ATOH8: variants seen among roughly 807,000 people sequenced by gnomAD.
The protein encoded by ATOH8 is transcription factor ATOH8.
ATOH8 carries 9 observed loss-of-function variants against 21.2 expected under a neutral mutation model. That is an observed-to-expected ratio of 0.42 (90% CI 0.26 to 0.74). ATOH8 has a LOEUF of 0.74. Ranked by LOEUF, ATOH8 falls within the 30% of genes least tolerant of loss-of-function variation. The pLI is 0.24. For synonymous variants in ATOH8, 253 were observed against 224.0 expected, an observed-to-expected ratio of 1.13 and a Z score of -1.16; for missense variants, 524 against 470.9, an observed-to-expected ratio of 1.11 and a Z score of -1.04.
intron 1 of ATOH8, among the ~76,000 whole-genome samples, chr2:85,757,099 A>C (rs898098229): frequency 2.0e-5 from 3 of 152,226 alleles, no homozygotes; most frequent in African/African-American, 7.2e-5. Flanking sequence ...ACACAAATGC[A>C]TGGTCACAGA....
chr2:85,754,354 A>G lies in ATOH8; in HGVS notation c.165A>G (p.Val55=), dbSNP rs370526864. The G allele has an allele frequency of 5.6e-6, 9 of 1,599,324 alleles. No individual in the cohort carries two copies. The African/African-American group carries it at 9.8e-5, about 17-fold the overall frequency. The change falls in exon 1 of 3, where the codon GTA becomes GTG. Residue 55 remains valine, a synonymous_variant. Transcript: ENST00000306279. ...LDLEAPEPRA[V]ATNGLRDRTH... ...TGGAAGCGCCCGAGCCCCGCGCCGTAGCCACCAACGGGCTGCGGGACAGGA... is the reference window on the plus strand; with the variant it reads ...TGGAAGCGCCCGAGCCCCGCGCCGTGGCCACCAACGGGCTGCGGGACAGGA...
At chr2:85,768,508 A>G (rs984044730) in intron 2 of ATOH8, among the ~76,000 whole-genome samples, 1 of 152,172 alleles carries the variant, frequency 6.6e-6, no homozygotes, top group African/African-American at 2.4e-5. Context: ...GGCAGTGGTC[A>G]TCGCTGGTGT....
chr2:85,757,757 A>T (rs375312501), intron 1 of ATOH8, among the ~76,000 whole-genome samples: 1 of 151,590 alleles, frequency 6.6e-6, no homozygotes, highest in Non-Finnish European at 1.5e-5. Flanking sequence ...TAGGAGGCCT[A>T]TAAGAGCAGT....
Position 85,754,721 on chromosome 2 carries a change from AC to A in ATOH8, c.533del (p.Thr178MetfsTer21). ...AGCACCGCCAGCGCCCCCGGAGTCC[AC>A]TGTGCGCCCTGCGCCCCCGACGCGC... ...PPAPPAPPES[T>X]VRPAPPTRPG... On this transcript the variant is annotated frameshift_variant, in exon 1 of 3. Coordinates refer to ENST00000306279, the MANE Select transcript of ATOH8 (RefSeq NM_032827.7). LOFTEE classifies it high-confidence loss of function. 1 of 1,611,932 alleles carries A rather than the reference AC, an allele frequency of 6.2e-7. No homozygotes were observed. The highest frequency in any genetic ancestry group is 8.5e-7 in the Non-Finnish European group (1 of 1,179,484).
At chr2:85,765,073 T>G (rs1679973506) in intron 2 of ATOH8, among the ~76,000 whole-genome samples, 1 of 152,182 alleles carries the variant, frequency 6.6e-6, no homozygotes, top group Non-Finnish European at 1.5e-5. Context: ...GCATTCCCAG[T>G]CAGGGGTCAG....
chr2:85,777,614 G>T (rs1416488829), intron 2 of ATOH8, among the ~76,000 whole-genome samples: 3 of 152,244 alleles, frequency 2.0e-5, no homozygotes, highest in African/African-American at 7.2e-5. Context: ...AGAATGCAGG[G>T]AAGTGCATCA....
At position 85,767,580 on chromosome 2, in the gene ATOH8, T is replaced by TCCCCTCCCCTCC. The variant is rs1680052547; in HGVS notation, c.960+3400_960+3401insCCTCCCCTCCCC. On this transcript the variant is annotated intron_variant, in intron 2 of 2. Coordinates refer to ENST00000306279, the MANE Select transcript of ATOH8 (RefSeq NM_032827.7). ...TTCCCTCTTCCCCTCCCCTCCCCTCTCCTTCCCTTCCCTTCCATGAACAGC... is the reference window on the plus strand; with the variant it reads ...TTCCCTCTTCCCCTCCCCTCCCCTCTCCCCTCCCCTCCCCTTCCCTTCCCTTCCATGAACAGC... Among the ~76,000 whole-genome samples, 264 of 79,210 alleles carry TCCCCTCCCCTCC rather than the reference T, an allele frequency of 3.3e-3. 4 individuals carry two copies. Among genetic ancestry groups the TCCCCTCCCCTCC allele is most frequent in the Middle Eastern group, 6.8e-3 (1 of 148 alleles). The allele number at this position is 79,210 out of a possible 152,430, so 52.0% of individuals were successfully genotyped here. A position where few individuals can be genotyped will look rare whatever the true frequency, so the allele number is the denominator to read the frequency against.
chr2:85,758,234 T>C (rs1213597066), intron 1 of ATOH8, among the ~76,000 whole-genome samples: 2 of 152,202 alleles, frequency 1.3e-5, no homozygotes, highest in Non-Finnish European at 2.9e-5. Flanking sequence ...CCAGGCATGG[T>C]GCTAAGCTTG....
chr2:85,780,709 T>C (rs1289117855), intron 2 of ATOH8, among the ~76,000 whole-genome samples: 2 of 152,196 alleles, frequency 1.3e-5, no homozygotes, highest in African/African-American at 4.8e-5. Flanking sequence ...TGACTTTTTC[T>C]CCCCATTCTT....
In ATOH8 at chr2:85,754,457, A is replaced by G. The variant is rs2104487306; in HGVS notation, c.268A>G (p.Thr90Ala). The G allele has an allele frequency of 1.3e-6, 2 of 1,501,250 alleles. No individual in the cohort carries two copies. Among genetic ancestry groups the G allele is most frequent in the Non-Finnish European group, 1.8e-6 (2 of 1,134,594 alleles). The allele number at this position is 1,501,250 out of a possible 1,614,324, so 93.0% of individuals were successfully genotyped here. A position where few individuals can be genotyped will look rare whatever the true frequency, so the allele number is the denominator to read the frequency against. The change falls in exon 1 of 3, where the codon ACG (threonine) becomes GCG (alanine). Residue 90 changes from threonine (T) to alanine (A), a missense_variant. Thr to Ala is a moderately conservative substitution (Grantham distance 58). Coordinates refer to ENST00000306279, the MANE Select transcript of ATOH8 (RefSeq NM_032827.7). ...VAPAVPPRGGTDTAGERGGSR... is the reference protein window; with the variant it reads ...VAPAVPPRGGADTAGERGGSR... ...GCCGGCCGTTCCCCCAAGAGGGGGCACGGACACAGCCGGGGAGCGCGGGGG... is the reference window on the plus strand; with the variant it reads ...GCCGGCCGTTCCCCCAAGAGGGGGCGCGGACACAGCCGGGGAGCGCGGGGG...
chr2:85,772,624 A>G, intron 2 of ATOH8: 1 of 435,044 alleles, frequency 2.3e-6, no homozygotes, highest in Non-Finnish European at 4.6e-6. Flanking sequence ...TCAGAGCCTC[A>G]TCATCACTCA....
chr2:85,772,731 T>A (rs957982841), intron 2 of ATOH8: 1 of 456,972 alleles, frequency 2.2e-6, no homozygotes. Context: ...ATAACAGGAC[T>A]GGACGCCGTA....
chr2:85,790,428 AAGACTGCCCAC>A lies in ATOH8; in HGVS notation c.*3545_*3555del, dbSNP rs1680738459. On this transcript the variant is annotated 3_prime_UTR_variant, in exon 3 of 3. Coordinates refer to ENST00000306279, the MANE Select transcript of ATOH8 (RefSeq NM_032827.7). ...AGGCCAAGCTTTGCAAGACTCTCCA[AAGACTGCCCAC>A]AGACTGTGCTGCTTCCTGGGTCTGG... Among the ~76,000 whole-genome samples, 1 of 152,208 alleles carries A rather than the reference AAGACTGCCCAC, an allele frequency of 6.6e-6. No homozygotes were observed. The highest frequency in any genetic ancestry group is 6.5e-5 in the Admixed American group (1 of 15,274).
intron 2 of ATOH8, among the ~76,000 whole-genome samples, chr2:85,765,336 C>T (rs192075349): frequency 9.2e-5 from 14 of 152,352 alleles, no homozygotes; most frequent in Admixed American, 9.1e-4. Flanking sequence ...CTCCGGGTTT[C>T]CCGGAGGTCC....
rs560136015 is a variant in ATOH8, at chr2:85,764,110, C to T, written c.888C>T (p.Asn296=). 6.2e-7 allele frequency: 1 copy of T among 1,614,220 alleles called. No individual in the cohort carries two copies. The highest frequency in any genetic ancestry group is 1.1e-5 in the South Asian group (1 of 91,082). Reference sequence around the variant, plus strand: ...TTGACTACAGTGCCGACCACAGCAACCTCAGCTTCTCCGAGTGTGTGCAGC... The same window carrying T: ...TTGACTACAGTGCCGACCACAGCAATCTCAGCTTCTCCGAGTGTGTGCAGC... ...ADLDYSADHS[N]LSFSECVQRC... Residue 296 remains asparagine, a synonymous_variant, in exon 2 of 3, where the codon AAC becomes AAT. Transcript: ENST00000306279.
intron 2 of ATOH8, chr2:85,780,969 C>G: frequency 1.0e-6 from 1 of 987,812 alleles, no homozygotes; most frequent in Non-Finnish European, 1.2e-6. Context: ...TTCCAGGTCC[C>G]TGGGGAGCTT....
chr2:85,767,582 C>T (rs995947587), intron 2 of ATOH8, among the ~76,000 whole-genome samples: 1 of 136,076 alleles, frequency 7.3e-6, no homozygotes, highest in African/African-American at 2.8e-5. Context: ...CTCCCCTCTC[C>T]TTCCCTTCCC....
At chr2:85,757,507 G>A (rs1679742679) in intron 1 of ATOH8, among the ~76,000 whole-genome samples, 1 of 152,386 alleles carries the variant, frequency 6.6e-6, no homozygotes, top group Non-Finnish European at 1.5e-5. Context: ...GTGGCACTGA[G>A]ATGGGTTCTG....
intron 1 of ATOH8, among the ~76,000 whole-genome samples, chr2:85,763,568 G>A (rs976834735): frequency 3.9e-5 from 6 of 152,106 alleles, no homozygotes; most frequent in African/African-American, 1.4e-4. Context: ...GTCATTCATT[G>A]TTGCACTCCC....
Sources: allele counts gnomAD v4.1 joint callset (sites outside exome capture counted in the v4.1 genomes callset), GRCh38; gene constraint gnomAD v4.1.1; transcripts MANE v1.5; gene names NCBI Gene and HGNC (gene_info 2026-07-23, HGNC 2026-07-21).